COG7: variants seen among roughly 807,000 people sequenced by gnomAD.
COG7 encodes component of oligomeric golgi complex 7, also known as conserved oligomeric Golgi complex subunit 7.
Under a neutral mutation model 91.5 loss-of-function variants are expected in COG7, and 49 were observed. The ratio of observed to expected loss-of-function variants is 0.54; its 90% CI spans 0.43 to 0.68. The LOEUF (loss-of-function observed/expected upper bound fraction) is 0.68, where lower values mean the gene tolerates loss of function less well. Among genes scored for constraint, COG7 ranks in the 30% least tolerant of loss-of-function variants. The pLI is 0.00. For synonymous variants in COG7, 365 were observed against 388.7 expected, an observed-to-expected ratio of 0.94 and a Z score of 0.72; for missense variants, 895 against 961.3, an observed-to-expected ratio of 0.93 and a Z score of 0.91.
chr16:23,448,126 G>A (rs995425765), intron 1 of COG7, among the ~76,000 whole-genome samples: 2 of 151,866 alleles, frequency 1.3e-5, no homozygotes, highest in African/African-American at 2.4e-5. Flanking sequence ...CTTCCTCATC[G>A]CAGACTTGGG....
chr16:23,413,793 A>G (rs1963608343), intron 9 of COG7: 1 of 468,924 alleles, frequency 2.1e-6, no homozygotes, highest in Non-Finnish European at 3.9e-6. Flanking sequence ...AGAGATGCCC[A>G]AGAGGAGAAG....
chr16:23,433,061 T>C (rs1963957984), intron 6 of COG7, among the ~76,000 whole-genome samples: 1 of 152,138 alleles, frequency 6.6e-6, no homozygotes. Context: ...TTTCTAAGCT[T>C]ATCTTTTAAA....
At chr16:23,420,022 G>C (rs892259284) in intron 7 of COG7, among the ~76,000 whole-genome samples, 1 of 150,990 alleles carries the variant, frequency 6.6e-6, no homozygotes, top group Non-Finnish European at 1.5e-5. Flanking sequence ...TGCATCTGTG[G>C]TCCCAGCTAC....
chr16:23,391,981 T>C, intron 16 of COG7: 2 of 1,151,624 alleles, frequency 1.7e-6, no homozygotes, highest in Non-Finnish European at 1.1e-6. Flanking sequence ...GAGTTTGGAA[T>C]TACATAAGAC....
At position 23,392,381 on chromosome 16, in the gene COG7, G is replaced by A. The variant is rs114718806; in HGVS notation, c.2145C>T (p.Ile715=). ...ACCGCCTGTCTTGTGGGGACCCACC[G>A]ATGTCAGTGGCCAGCTGCTTGGCAG... ...PHSAKQLATD[I]DYLINVMDAL... is the part of the protein sequence containing the mutation. The change falls in exon 16 of 17, where the codon ATC becomes ATT. Residue 715 remains isoleucine, a splice_region_variant and synonymous_variant. Transcript: ENST00000307149. 21 of 1,614,188 alleles carry A rather than the reference G, an allele frequency of 1.3e-5. No individual in the cohort carries two copies. Among genetic ancestry groups the A allele is most frequent in the Middle Eastern group, 1.6e-4 (1 of 6,062 alleles).
chr16:23,424,655 C>T, intron 7 of COG7, 94 bp downstream of exon 7: 3 of 1,282,756 alleles, frequency 2.3e-6, no homozygotes, highest in Non-Finnish European at 3.4e-6. Flanking sequence ...TCTGTAAAAT[C>T]AGTCATCTGA....
At chr16:23,394,725 T>C (rs1963257241) in intron 14 of COG7, among the ~76,000 whole-genome samples, 1 of 152,180 alleles carries the variant, frequency 6.6e-6, no homozygotes, top group Non-Finnish European at 1.5e-5. Context: ...AGGATGATCA[T>C]GCCCTTCTTT....
chr16:23,413,544 C>T lies in COG7; in HGVS notation c.1313G>A (p.Ser438Asn), dbSNP rs1963602395. The T allele has an allele frequency of 4.4e-6, 7 of 1,603,902 alleles. No individual in the cohort carries two copies. Among genetic ancestry groups the T allele is most frequent in the Non-Finnish European group, 6.0e-6 (7 of 1,170,796 alleles). The change falls in exon 10 of 17, where the codon AGC becomes AAC. Residue 438 changes from serine (S) to asparagine (N), a missense_variant. By Grantham distance (46) the Ser-to-Asn change is conservative. Transcript: ENST00000307149. ...CTTCTTTCGTATGGACTGGAGAGTG[C>T]TGGTGAAATCAGACACATACCTGCC... ...LFAKYVSDFT[S>N]TLQSIRKKCK...
At chr16:23,392,590 C>T in intron 15 of COG7, 67 bp from the exon 16 acceptor site, 7 of 1,589,956 alleles carry the variant, frequency 4.4e-6, no homozygotes, top group Non-Finnish European at 5.2e-6. Context: ...CACCAAAGTA[C>T]CAGGAAGCTT....
At chr16:23,433,361 G>A (rs1430534019) in intron 6 of COG7, among the ~76,000 whole-genome samples, 184 bp downstream of exon 6, 1 of 152,130 alleles carries the variant, frequency 6.6e-6, no homozygotes, top group Non-Finnish European at 1.5e-5. Context: ...AAAGTGTGGT[G>A]ATTACAAGTG....
chr16:23,422,770 T>G (rs1268538705), intron 7 of COG7, among the ~76,000 whole-genome samples: 13 of 151,916 alleles, frequency 8.6e-5, no homozygotes, highest in African/African-American at 3.1e-4. Flanking sequence ...AGGTCAGGTG[T>G]GGTGGCTTAC....
chr16:23,389,225 T>A, intron 16 of COG7, 139 bp from the exon 17 acceptor site: 1 of 947,660 alleles, frequency 1.1e-6, no homozygotes, highest in Non-Finnish European at 1.6e-6. Context: ...AACCCTGCCC[T>A]CAATAGGCCC....
chr16:23,390,205 T>C (rs1263002471), intron 16 of COG7: 1 of 149,980 alleles, frequency 6.7e-6, no homozygotes, highest in African/African-American at 2.5e-5. Flanking sequence ...TTTTTTTTTT[T>C]TTTTTTTCTT....
At chr16:23,406,408 C>T in intron 11 of COG7, 146 bp from the exon 12 acceptor site, 1 of 755,278 alleles carries the variant, frequency 1.3e-6, no homozygotes, top group Non-Finnish European at 2.3e-6. Context: ...CAACGAAAGG[C>T]TGCCCTTCAT....
intron 4 of COG7, among the ~76,000 whole-genome samples, chr16:23,438,744 A>G (rs888622555): frequency 1.3e-5 from 2 of 152,216 alleles, no homozygotes; most frequent in East Asian, 3.9e-4. Flanking sequence ...AAAAAACAAA[A>G]AATGACAAGG....
At position 23,417,100 on chromosome 16, in the gene COG7, A is replaced by G; in HGVS notation, c.1159T>C (p.Cys387Arg). ...VPLEHGEVID[C>R]VQELSHSVNK... is the part of the protein sequence containing the mutation. ...ACGGAGTGGCTCAGCTCCTGCACAC[A>G]GTCAATCACTTCCCCATGCTCCTGG... Residue 387 changes from cysteine to arginine, a missense_variant, in exon 9 of 17, where the codon TGT (cysteine) becomes CGT (arginine). Cys to Arg is a radical substitution (Grantham distance 180). Transcript: ENST00000307149. The G allele has an allele frequency of 6.2e-7, 1 of 1,614,248 alleles. No homozygotes were observed. Among genetic ancestry groups the G allele is most frequent in the Non-Finnish European group, 8.5e-7 (1 of 1,180,054 alleles).
intron 7 of COG7, among the ~76,000 whole-genome samples, chr16:23,420,621 T>C (rs901758160): frequency 1.3e-5 from 2 of 152,238 alleles, no homozygotes; most frequent in African/African-American, 4.8e-5. Context: ...AGTCTGCTGC[T>C]CTTGATTTCT....
chr16:23,449,235 C>A (rs1256675062), intron 1 of COG7, among the ~76,000 whole-genome samples: 3 of 151,306 alleles, frequency 2.0e-5, no homozygotes, highest in Admixed American at 6.6e-5. Context: ...TGGTGGCGGG[C>A]GCCTGTAGTC....
intron 14 of COG7, 135 bp from the exon 15 acceptor site, chr16:23,393,482 A>T: frequency 1.4e-6 from 1 of 699,138 alleles, no homozygotes; most frequent in Non-Finnish European, 2.6e-6. Flanking sequence ...TGATCTTTCT[A>T]GTATGTGGCG....
Sources: allele counts gnomAD v4.1 joint callset (sites outside exome capture counted in the v4.1 genomes callset), GRCh38; gene constraint gnomAD v4.1.1; transcripts MANE v1.5; gene names NCBI Gene and HGNC (gene_info 2026-07-23, HGNC 2026-07-21).